Variants in GPC2 observed in about 807,000 individuals in gnomAD.
The protein encoded by GPC2 is glypican-2.
Under a neutral mutation model 57.3 loss-of-function variants are expected in GPC2, and 42 were observed. The observed-to-expected ratio is 0.73, with a 90% confidence interval of 0.57 to 0.95. The LOEUF is 0.95. Among genes scored for constraint, GPC2 ranks in the 40% least tolerant of loss-of-function variants. The pLI, the probability that GPC2 is intolerant of heterozygous loss-of-function variation, is 0.00. For synonymous variants in GPC2, 364 were observed against 343.4 expected (o/e 1.06, Z -0.66); for missense variants, 745 against 793.6 (o/e 0.94, Z 0.74).
Position 100,171,320 on chromosome 7 carries a change from G to A in GPC2, c.1427C>T (p.Ala476Val), listed in dbSNP as rs766096655. The change falls in exon 9 of 10, where the codon GCG becomes GTG. Residue 476 changes from alanine (A) to valine (V), a missense_variant. Physicochemically the swap from Ala to Val is moderately conservative, Grantham distance 64. This residue lies in a region of GPC2 where 607 missense variants were observed against 603.9 expected (regional missense o/e 1.01). Transcript: ENST00000292377. This position sits in a 1 kb window ranked among gnomAD's most constrained non-coding sequence, Gnocchi z 4.8. ...PTRRRRLQLR[A>V]ATARMKTAAL... ...GGCCGTTTTCATTCTGGCCGTGGCC[G>A]CCCGGAGCTGTAGCCGACGCCGCCG... is the stretch of plus-strand genomic sequence containing the variant. 11 of 1,543,208 alleles carry A rather than the reference G, an allele frequency of 7.1e-6. No individual in the cohort carries two copies. Among genetic ancestry groups the A allele is most frequent in the Non-Finnish European group, 9.6e-6 (11 of 1,143,888 alleles).
chr7:100,174,106 T>C, intron 4 of GPC2, 109 bp from the exon 5 acceptor site: 1 of 1,020,578 alleles, frequency 9.8e-7, no homozygotes, highest in Non-Finnish European at 1.4e-6. Context: ...ACACCTAGGG[T>C]TGGTGACCCC....
In GPC2 at chr7:100,171,846, C is replaced by T. The variant is rs775927097; in HGVS notation, c.1103G>A (p.Arg368Gln). The T allele has an allele frequency of 3.9e-6, 6 of 1,554,320 alleles. No homozygotes were observed. In the South Asian group the frequency reaches 4.7e-5, roughly 12 times the overall value. Residue 368 changes from arginine (R) to glutamine (Q), a missense_variant, in exon 7 of 10, where the codon CGG becomes CAG. Arg to Gln is a conservative substitution (Grantham distance 43, BLOSUM62 1). Transcript: ENST00000292377. The surrounding 1 kb of genome is among the most constrained non-coding windows in gnomAD (Gnocchi z 4.8). ...CTCCTCGGTCACCATCGACCACAGC[C>T]GGCCCGCCTCTTCCCGGGGCGGCGG... ...RAPPPREEAG[R>Q]LWSMVTEEER... is the part of the protein sequence containing the mutation.
Position 100,177,287 on chromosome 7 carries a change from A to G in GPC2, c.-88T>C. The G allele has an allele frequency of 8.4e-7, 1 of 1,189,532 alleles. No homozygotes were observed. Among genetic ancestry groups the G allele is most frequent in the Non-Finnish European group, 1.2e-6 (1 of 863,374 alleles). 73.7% of individuals were successfully genotyped at this position (1,189,532 alleles called of 1,614,324 possible). ...CGGGAATCCGGTACTCGGCCGCGGG[A>G]CCGCTCCGCGGGCCAGAGAAAGAGC... On this transcript the variant is annotated 5_prime_UTR_variant, in exon 1 of 10. Coordinates refer to ENST00000292377, the MANE Select transcript of GPC2 (RefSeq NM_152742.3).
chr7:100,172,743 ATG>A (rs201777222), intron 5 of GPC2, among the ~76,000 whole-genome samples: 15 of 145,510 alleles, frequency 1.0e-4, no homozygotes, highest in Non-Finnish European at 1.5e-4. Context: ...GTGTATATAT[ATG>A]TGTGTATATA....
rs1029550295 is a variant in GPC2, at chr7:100,171,610, G to C, written c.1239C>G (p.Cys413Trp). 6.5e-7 allele frequency: 1 copy of C among 1,531,862 alleles called. No individual in the cohort carries two copies. The allele number at this position is 1,531,862 out of a possible 1,614,324, so 94.9% of individuals were successfully genotyped here. Residue 413 changes from cysteine to tryptophan, a missense_variant, in exon 8 of 10, where the codon TGC becomes TGG. Around this residue, in one of 2 missense-constraint regions of GPC2, gnomAD observed 607 missense variants for 603.9 expected, o/e 1.01. Coordinates refer to ENST00000292377, the MANE Select transcript of GPC2 (RefSeq NM_152742.3). The surrounding 1 kb of genome is among the most constrained non-coding windows in gnomAD (Gnocchi z 4.8). ...CGTCCGCTGCCATGCGAGAGTCTCC[G>C]CACACCGTCAGGGACAGCCGGGCCC... ...GFWARLSLTV[C>W]GDSRMAADAS...
rs74662631 is a variant in GPC2 at position 100,176,256 on chromosome 7, G to A, written c.276C>T (p.Ser92=). The A allele has an allele frequency of 2.8e-3, 4,532 of 1,613,742 alleles. 129 individuals carry two copies. In the African/African-American group the frequency reaches 0.053, roughly 19 times the overall value. ...EATFRGLVED[S]GSFLVHTLAA... ...CCAGTGTGTGAACCAGAAAGGAGCC[G>A]CTGTCCTCCACCAGGCCTCGGAAGG... Residue 92 remains serine, a synonymous_variant, in exon 2 of 10, where the codon AGC becomes AGT. Coordinates refer to ENST00000292377, the MANE Select transcript of GPC2 (RefSeq NM_152742.3).
At chr7:100,176,053 G>A (rs116138580) in intron 2 of GPC2, among the ~76,000 whole-genome samples, 154 bp downstream of exon 2, 2,160 of 149,670 alleles carry the variant, frequency 0.014, 56 homozygotes, top group African/African-American at 0.051. Context: ...GAATGGGGGA[G>A]GGCAGGGCCC....
chr7:100,172,781 G>T (rs1220206205), intron 5 of GPC2, among the ~76,000 whole-genome samples: 4 of 133,890 alleles, frequency 3.0e-5, no homozygotes, highest in Non-Finnish European at 6.7e-5. Context: ...ATATGTGTGT[G>T]TATATATATA....
rs1220392050 is a variant in GPC2 at position 100,171,279 on chromosome 7, G to A, written c.1468C>T (p.Leu490=). 3 of 1,535,790 alleles carry A rather than the reference G, an allele frequency of 2.0e-6. No homozygotes were observed. The highest frequency in any genetic ancestry group is 2.8e-5 in the African/African-American group (2 of 70,856). Reference sequence around the variant, plus strand: ...GTCTCACCCGCGTCCTGCCCGTCCAGGTCGTGTCCCAGTGCGGCCGTTTTC... The same window carrying A: ...GTCTCACCCGCGTCCTGCCCGTCCAAGTCGTGTCCCAGTGCGGCCGTTTTC... ...RMKTAALGHD[L]DGQDADEDAS... The change falls in exon 9 of 10, where the codon CTG becomes TTG. Residue 490 remains leucine (L), a synonymous_variant. Coordinates refer to ENST00000292377, the MANE Select transcript of GPC2 (RefSeq NM_152742.3). The surrounding 1 kb of genome is among the most constrained non-coding windows in gnomAD (Gnocchi z 4.8).
rs781182638 is a variant in GPC2 at position 100,174,740 on chromosome 7, C to A, written c.674G>T (p.Arg225Leu). The change falls in exon 4 of 10, where the codon CGA (arginine) becomes CTA (leucine). Residue 225 changes from arginine (R) to leucine (L), a missense_variant. Physicochemically the swap from Arg to Leu is moderately radical, Grantham distance 102. Coordinates refer to ENST00000292377, the MANE Select transcript of GPC2 (RefSeq NM_152742.3). ...LQITRTLVAA[R>L]AFVQGLETGR... ...AGTCTCCAGGCCCTGCACAAAGGCTCGGGCAGCCACCAGGGTCCGGGTTAT... is the reference window on the plus strand; with the variant it reads ...AGTCTCCAGGCCCTGCACAAAGGCTAGGGCAGCCACCAGGGTCCGGGTTAT... 1 of 1,614,090 alleles carries A rather than the reference C, an allele frequency of 6.2e-7. No individual in the cohort carries two copies. Among genetic ancestry groups the A allele is most frequent in the Non-Finnish European group, 8.5e-7 (1 of 1,179,982 alleles).
At position 100,177,381 on chromosome 7, in the gene GPC2, C is replaced by T. The variant is rs924851743; in HGVS notation, c.-182G>A. The T allele has an allele frequency of 1.6e-5, 8 of 497,752 alleles. No individual in the cohort carries two copies. Among genetic ancestry groups the T allele is most frequent in the Admixed American group, 4.3e-5 (1 of 23,442 alleles). 30.8% of individuals were successfully genotyped at this position (497,752 alleles called of 1,614,324 possible). A position where few individuals can be genotyped will look rare whatever the true frequency, so the allele number is the denominator to read the frequency against. On this transcript the variant is annotated 5_prime_UTR_variant, in exon 1 of 10. Coordinates refer to ENST00000292377, the MANE Select transcript of GPC2 (RefSeq NM_152742.3). The stretch of plus-strand genomic sequence containing the variant: ...GCGGCATCTGCCGAGACAATGGGAG[C>T]GGGGAGCCGGACAGGGGGCGGGGCC...
rs570154532 is a variant in GPC2, at chr7:100,171,020, G to A, written c.1486+241C>T. On this transcript the variant is annotated intron_variant, in intron 9 of 9. Transcript: ENST00000292377. The surrounding 1 kb of genome is among the most constrained non-coding windows in gnomAD (Gnocchi z 4.8). ...CACTGCCCTTTGCCCATTATAAGGGGCTTCCCACTGTTCTTTAAGAATGTT... is the reference window on the plus strand; with the variant it reads ...CACTGCCCTTTGCCCATTATAAGGGACTTCCCACTGTTCTTTAAGAATGTT... The A allele has an allele frequency of 2.5e-5, 11 of 443,372 alleles. No individual in the cohort carries two copies. The East Asian group carries it at 4.0e-4, about 16-fold the overall frequency. 27.5% of individuals were successfully genotyped at this position (443,372 alleles called of 1,614,324 possible). A position where few individuals can be genotyped will look rare whatever the true frequency, so the allele number is the denominator to read the frequency against.
Position 100,169,699 on chromosome 7 carries a change from T to C in GPC2, c.*531A>G, listed in dbSNP as rs1021756048. The C allele has an allele frequency of 2.6e-5, 4 of 152,684 alleles. No homozygotes were observed. The Admixed American group carries it at 2.6e-4, about 10-fold the overall frequency. The allele number at this position is 152,684 out of a possible 1,614,324, so 9.5% of individuals were successfully genotyped here. ...GATGTGGGTGGCAGAGGTCACGAGA[T>C]GAGCACCCCCCCACCTTGTTTTTTT... On this transcript the variant is annotated 3_prime_UTR_variant, in exon 10 of 10. Transcript: ENST00000292377.
intron 5 of GPC2, 68 bp downstream of exon 5, chr7:100,173,767 T>A: frequency 7.6e-7 from 1 of 1,312,872 alleles, no homozygotes; most frequent in South Asian, 1.8e-5. Flanking sequence ...TGCCTCAGCC[T>A]CTCAAAGTGC....
chr7:100,174,451 G>C, intron 4 of GPC2: 1 of 617,248 alleles, frequency 1.6e-6, no homozygotes, highest in South Asian at 1.8e-5. Flanking sequence ...CTTGGGGACT[G>C]AGGAGGGTAT....
chr7:100,172,131 C>T lies in GPC2; in HGVS notation c.979G>A (p.Gly327Ser). The T allele has an allele frequency of 1.2e-6, 2 of 1,609,136 alleles. No homozygotes were observed. Among genetic ancestry groups the T allele is most frequent in the Middle Eastern group, 3.3e-4 (2 of 6,058 alleles). The change falls in exon 6 of 10, where the codon GGT (glycine) becomes AGT (serine). Residue 327 changes from glycine to serine, a missense_variant. By Grantham distance (56) the Gly-to-Ser change is moderately conservative. This residue lies in a region of GPC2 where 607 missense variants were observed against 603.9 expected (regional missense o/e 1.01). Transcript: ENST00000292377. ...CTGTTTTCCTGCAGGTACATCAAAC[C>T]CTCCGAGATCTTCACCCCAATGGAC... ...AESIGVKISE[G>S]LMYLQENSAK...
At chr7:100,172,364 T>C in intron 5 of GPC2, 147 bp from the exon 6 acceptor site, 1 of 863,206 alleles carries the variant, frequency 1.2e-6, no homozygotes, top group Non-Finnish European at 1.8e-6. Context: ...TCCCCCCAAT[T>C]TGGCTTTAAA....
chr7:100,172,247 G>A, intron 5 of GPC2, 30 bp from the exon 6 acceptor site: 1 of 1,610,800 alleles, frequency 6.2e-7, no homozygotes, highest in Non-Finnish European at 8.5e-7. Context: ...GAGAAAGGAT[G>A]GGATGAGTGG....
rs753490360 is a variant in GPC2, at chr7:100,173,892, C to T, written c.835G>A (p.Val279Met). The change falls in exon 5 of 10, where the codon GTG (valine) becomes ATG (methionine). Residue 279 changes from valine (V) to methionine (M), a missense_variant. Around this residue, in one of 2 missense-constraint regions of GPC2, gnomAD observed 607 missense variants for 603.9 expected, o/e 1.01. Transcript: ENST00000292377. ...CTGCTGCTGAGACAGCCACGAACCA[C>T]GTTGAGGCAGAAGCCCTGGCAGGGC... ...LMPCQGFCLN[V>M]VRGCLSSRGL... is the part of the protein sequence containing the mutation. 13 of 1,605,288 alleles carry T rather than the reference C, an allele frequency of 8.1e-6. No individual in the cohort carries two copies. Among genetic ancestry groups the T allele is most frequent in the East Asian group, 2.3e-5 (1 of 43,702 alleles).
Sources: allele counts gnomAD v4.1 joint callset (sites outside exome capture counted in the v4.1 genomes callset), GRCh38; gene constraint gnomAD v4.1.1; regional missense constraint gnomAD v4.1.1; non-coding constraint Gnocchi (gnomAD v3.1); transcripts MANE v1.5; gene names NCBI Gene and HGNC (gene_info 2026-07-23, HGNC 2026-07-21).